The following EIF3A variants were observed in gnomAD, a reference collection of about 807,000 sequenced individuals.
The protein encoded by EIF3A is EIF3, p180 subunit.
A neutral mutation model predicts 186.6 loss-of-function variants in EIF3A; 21 were observed. That is an observed-to-expected ratio of 0.11 (90% CI 0.08 to 0.16). The LOEUF (loss-of-function observed/expected upper bound fraction) is 0.16. Among genes scored for constraint, EIF3A ranks in the 10% least tolerant of loss-of-function variants. EIF3A has a pLI of 1.00. For missense variants in EIF3A, 1,306 were observed against 1,796.3 expected, an observed-to-expected ratio of 0.73 and a Z score of 4.93; for synonymous variants, 563 against 584.3, an observed-to-expected ratio of 0.96 and a Z score of 0.52.
rs968700901 is a variant in EIF3A, at chr10:119,050,589, C to A, written c.2405G>T (p.Arg802Leu). 6.2e-7 allele frequency: 1 copy of A among 1,613,994 alleles called. No individual in the cohort carries two copies. ...TTTTTCTCTATAGTATGTTATCCTG[C>A]GTTCTTCTTTACGCTGCCTTTTCCG... ...EERKRQRKEE[R>L]RITYYREKEE... Residue 802 changes from arginine to leucine, a missense_variant, in exon 16 of 22, where the codon CGC (arginine) becomes CTC (leucine). Physicochemically the swap from Arg to Leu is moderately radical, Grantham distance 102. This residue lies in a region of EIF3A where 410 missense variants were observed against 473.5 expected (regional missense o/e 0.87). Transcript: ENST00000369144.
intron 14 of EIF3A, among the ~76,000 whole-genome samples, chr10:119,052,368 T>TGTGTGTGTGTGTGTGTGTG (rs1848367766): frequency 6.5e-5 from 8 of 123,062 alleles, no homozygotes; most frequent in East Asian, 4.9e-4. Flanking sequence ...TTTTTTGGTT[T>TGTGTGTGTGTGTGTGTGTG]TGTGTGTGTG....
At chr10:119,079,969 T>C (rs1019540186) in intron 1 of EIF3A, among the ~76,000 whole-genome samples, 3 of 152,210 alleles carry the variant, frequency 2.0e-5, no homozygotes, top group African/African-American at 4.8e-5. Flanking sequence ...CTGCTTCTAA[T>C]CAATGCCAGG....
chr10:119,037,500 G>A (rs1177891005), intron 20 of EIF3A, among the ~76,000 whole-genome samples, 191 bp from the exon 21 acceptor site: 2 of 152,152 alleles, frequency 1.3e-5, no homozygotes, highest in African/African-American at 2.4e-5. Flanking sequence ...CGTCCCACTC[G>A]TTAGCCACTA....
Position 119,059,284 on chromosome 10 carries a change from T to A in EIF3A, c.1557A>T (p.Ile519=). 2 of 1,614,188 alleles carry A rather than the reference T, an allele frequency of 1.2e-6. No homozygotes were observed. The highest frequency in any genetic ancestry group is 1.7e-6 in the Non-Finnish European group (2 of 1,180,024). The change falls in exon 11 of 22, where the codon ATA becomes ATT. Residue 519 remains isoleucine (I), a synonymous_variant. Transcript: ENST00000369144. The part of the protein sequence containing the change: ...PHLQSMPSEQ[I]RNQLTAMSSV... ...AGGACATGGCTGTCAGCTGGTTTCT[T>A]ATCTGCTCTGAAGGCATGCTTTGCA... is the stretch of plus-strand genomic sequence containing the variant.
intron 1 of EIF3A, chr10:119,080,245 A>G: frequency 1.1e-6 from 1 of 912,884 alleles, no homozygotes; most frequent in Non-Finnish European, 1.3e-6. Flanking sequence ...CGGCACTCCC[A>G]GATGGCGGCC....
At chr10:119,064,306 G>A (rs1843935191) in intron 7 of EIF3A, among the ~76,000 whole-genome samples, 1 of 152,160 alleles carries the variant, frequency 6.6e-6, no homozygotes, top group African/African-American at 2.4e-5. Flanking sequence ...CTGAAGGTAA[G>A]TCTACCTTAC....
intron 14 of EIF3A, among the ~76,000 whole-genome samples, chr10:119,053,475 G>C (rs1053572829): frequency 1.3e-5 from 2 of 151,574 alleles, no homozygotes; most frequent in African/African-American, 2.4e-5. Context: ...ACTTTGTGAG[G>C]CTGAAGCAGG....
At chr10:119,056,648 T>C (rs572955696) in intron 14 of EIF3A, 92 bp downstream of exon 14, 2 of 831,554 alleles carry the variant, frequency 2.4e-6, no homozygotes, top group East Asian at 2.7e-5. Context: ...AGCAGAAGAA[T>C]ACAAAATAAA....
At chr10:119,051,165 T>C in intron 15 of EIF3A, 34 bp downstream of exon 15, 1 of 1,580,414 alleles carries the variant, frequency 6.3e-7, no homozygotes, top group Non-Finnish European at 8.6e-7. Flanking sequence ...AGAAAGCTCA[T>C]GAATAAACAT....
At chr10:119,068,565 A>G (rs900760953) in intron 6 of EIF3A, among the ~76,000 whole-genome samples, 1 of 152,120 alleles carries the variant, frequency 6.6e-6, no homozygotes, top group Non-Finnish European at 1.5e-5. Flanking sequence ...AATCCCAGCT[A>G]CTCAGGAAGC....
At chr10:119,057,683 G>A (rs1589690722) in intron 12 of EIF3A, among the ~76,000 whole-genome samples, 1 of 152,160 alleles carries the variant, frequency 6.6e-6, no homozygotes, top group African/African-American at 2.4e-5. Flanking sequence ...GCTGAGGCAG[G>A]AGAATCACTT....
chr10:119,042,769 C>T lies in EIF3A; in HGVS notation c.2751G>A (p.Glu917=). The T allele has an allele frequency of 6.3e-7, 1 of 1,588,766 alleles. No individual in the cohort carries two copies. The change falls in exon 19 of 22, where the codon GAG becomes GAA. Residue 917 remains glutamate (E), a synonymous_variant. Transcript: ENST00000369144. This position sits in a 1 kb window ranked among gnomAD's most constrained non-coding sequence, Gnocchi z 7.8. ...CATCTCGCCCTTCTCCACGTCTCCACTCCCTACACAGCAACAAGAACAATT... is the reference window on the plus strand; with the variant it reads ...CATCTCGCCCTTCTCCACGTCTCCATTCCCTACACAGCAACAAGAACAATT... ...SEWRRGPPEK[E]WRRGEGRDED... is the part of the protein sequence containing the mutation.
chr10:119,069,384 T>C lies in EIF3A; in HGVS notation c.950+62A>G, dbSNP rs964659482. 4.1e-5 allele frequency: 35 copies of C among 845,760 alleles called. No homozygotes were observed. The Admixed American group carries it at 5.0e-4, about 12-fold the overall frequency. The allele number at this position is 845,760 out of a possible 1,614,324, so 52.4% of individuals were successfully genotyped here. A position where few individuals can be genotyped will look rare whatever the true frequency, so the allele number is the denominator to read the frequency against. On this transcript the variant is annotated intron_variant, in intron 6 of 21. Transcript: ENST00000369144. ...AGAAACCATGGCCTAAAATATACCA[T>C]GTCATATAATAGACGATATTTGTTA...
chr10:119,037,409 T>A, intron 20 of EIF3A, 100 bp from the exon 21 acceptor site: 5 of 1,053,412 alleles, frequency 4.7e-6, no homozygotes, highest in Non-Finnish European at 5.5e-6. Context: ...TTTACAAATA[T>A]AACAGACAGT....
At position 119,065,522 on chromosome 10, in the gene EIF3A, A is replaced by C. The variant is rs199674870; in HGVS notation, c.999T>G (p.Pro333=). ...LLATLSIPIT[P]ERTDIARLLD... ...GAAGTCGAGCAATATCCGTACGCTCAGGAGTAATAGGGATGGAAAGAGTGG... is the reference window on the plus strand; with the variant it reads ...GAAGTCGAGCAATATCCGTACGCTCCGGAGTAATAGGGATGGAAAGAGTGG... The change falls in exon 7 of 22, where the codon CCT becomes CCG. Residue 333 remains proline (P), a synonymous_variant. Transcript: ENST00000369144. The C allele has an allele frequency of 3.1e-6, 5 of 1,613,252 alleles. No homozygotes were observed. In the Admixed American group the frequency reaches 6.7e-5, roughly 22 times the overall value.
At chr10:119,072,377 C>A (rs1477166178) in intron 4 of EIF3A, among the ~76,000 whole-genome samples, 3 of 151,814 alleles carry the variant, frequency 2.0e-5, no homozygotes, top group Non-Finnish European at 2.9e-5. Flanking sequence ...CAATAAAATA[C>A]AATTCACACA....
intron 1 of EIF3A, among the ~76,000 whole-genome samples, chr10:119,079,106 G>C (rs78619230): frequency 3.1e-4 from 47 of 152,336 alleles, no homozygotes; most frequent in Admixed American, 7.8e-4. Flanking sequence ...TTGGTTTATA[G>C]TGACAAAGTT....
Position 119,036,166 on chromosome 10 carries a change from C to T in EIF3A, c.4022G>A (p.Arg1341Lys). ...ACCTTCTCTTTCTCGGTCTCGGTCT[C>T]TTTCTCGGTCTCTTGAAAGAGCTGG... ...PPPALSRDRE[R>K]DRDREREGEK... The change falls in exon 22 of 22, where the codon AGA becomes AAA. Residue 1341 changes from arginine (R) to lysine (K), a missense_variant. This residue lies in a region of EIF3A where 331 missense variants were observed against 365.8 expected (regional missense o/e 0.90). Coordinates refer to ENST00000369144, the MANE Select transcript of EIF3A (RefSeq NM_003750.4). 1 of 1,613,596 alleles carries T rather than the reference C, an allele frequency of 6.2e-7. No individual in the cohort carries two copies. Among genetic ancestry groups the T allele is most frequent in the East Asian group, 2.2e-5 (1 of 44,870 alleles).
intron 9 of EIF3A, 174 bp from the exon 10 acceptor site, chr10:119,059,892 G>A (rs1186302921): frequency 4.6e-6 from 3 of 650,074 alleles, no homozygotes; most frequent in Non-Finnish European, 8.3e-6. Context: ...TCCATGCTTT[G>A]AGAACCATTA....
Sources: gnomAD v4.1 joint callset for allele counts (sites outside exome capture counted in the v4.1 genomes callset) on GRCh38, gnomAD v4.1.1 for gene constraint, gnomAD v4.1.1 regional missense constraint, Gnocchi (gnomAD v3.1) non-coding constraint, MANE v1.5 for transcripts, NCBI Gene and HGNC (gene_info 2026-07-23, HGNC 2026-07-21) for gene names.